Variants in AP3M2 observed in about 807,000 individuals in gnomAD.
The protein encoded by AP3M2 is adaptor related protein complex 3 subunit mu 2.
AP3M2 carries 28 observed loss-of-function variants against 41.6 expected under a neutral mutation model. The ratio of observed to expected loss-of-function variants is 0.67; its 90% CI spans 0.50 to 0.92. AP3M2 has a LOEUF of 0.92. AP3M2 is among the 40% of genes least tolerant of loss of function. The pLI is 0.00. For missense variants in AP3M2, 427 were observed against 521.4 expected (o/e 0.82, Z 1.76); for synonymous variants, 193 against 186.4 (o/e 1.04, Z -0.29).
chr8:42,162,173 TCTTC>T, intron 3 of AP3M2, 104 bp from the exon 4 acceptor site: 4 of 1,114,454 alleles, frequency 3.6e-6, no homozygotes, highest in Non-Finnish European at 4.9e-6. Context: ...TTTGAAAAAT[TCTTC>T]AATTGAGTGC....
intron 1 of AP3M2, 93 bp from the exon 2 acceptor site, chr8:42,154,523 G>T: frequency 1.0e-6 from 1 of 975,886 alleles, no homozygotes; most frequent in South Asian, 1.7e-5. Flanking sequence ...ATTGGGCCTG[G>T]TCTTGAAAGA....
rs571582369 is a variant in AP3M2 at position 42,164,970 on chromosome 8, G to A, written c.584-101G>A. 1.7e-4 allele frequency: 163 copies of A among 974,700 alleles called. No individual in the cohort carries two copies. In the South Asian group the frequency reaches 2.5e-3, roughly 15 times the overall value. The allele number at this position is 974,700 out of a possible 1,614,324, so 60.4% of individuals were successfully genotyped here. ...AGGAAGGGGAGGGAGAGAGAGGAAG[G>A]TGAGGGAGAGAGGAAGAGAAGGAGG... On this transcript the variant is annotated intron_variant, in intron 4 of 8. Transcript: ENST00000396926.
rs1804729030 is a variant in AP3M2 at position 42,169,256 on chromosome 8, AAC to A, written c.*199_*200del. The stretch of plus-strand genomic sequence containing the variant: ...ACCAGGGAGAACTGGACAGAACTGA[AAC>A]ACAGCAACACCAGTTCTCAAGGACA... On this transcript the variant is annotated 3_prime_UTR_variant, in exon 9 of 9. Transcript: ENST00000396926. The A allele has an allele frequency of 2.1e-6, 1 of 470,328 alleles. No homozygotes were observed. Among genetic ancestry groups the A allele is most frequent in the Non-Finnish European group, 3.7e-6 (1 of 268,218 alleles). 29.1% of individuals were successfully genotyped at this position (470,328 alleles called of 1,614,324 possible). A position where few individuals can be genotyped will look rare whatever the true frequency, so the allele number is the denominator to read the frequency against.
In AP3M2 at chr8:42,169,122, T is replaced by TA. The variant is rs997223977; in HGVS notation, c.*70dup. The TA allele has an allele frequency of 3.6e-4, 495 of 1,367,298 alleles. No individual in the cohort carries two copies. The highest frequency in any genetic ancestry group is 5.5e-4 in the East Asian group (23 of 41,666). The allele number at this position is 1,367,298 out of a possible 1,614,324, so 84.7% of individuals were successfully genotyped here. ...TTTTCATTTCTTACTTGTCTAAAAG[T>TA]AAAAAAAAATATCAGCCTGTCTCCT... On this transcript the variant is annotated 3_prime_UTR_variant, in exon 9 of 9. Transcript: ENST00000396926.
At chr8:42,154,470 A>C (rs972522179) in intron 1 of AP3M2, 146 bp from the exon 2 acceptor site, 4 of 577,030 alleles carry the variant, frequency 6.9e-6, no homozygotes, top group Non-Finnish European at 1.2e-5. Context: ...TATCGTTTCG[A>C]ATTCAAGGGA....
At chr8:42,165,221 G>A in intron 5 of AP3M2, 65 bp downstream of exon 5, 3 of 1,542,638 alleles carry the variant, frequency 1.9e-6, no homozygotes, top group Non-Finnish European at 2.7e-6. Flanking sequence ...GAAAGACAGA[G>A]TAGTGGGAAT....
chr8:42,158,879 C>T (rs993735422), intron 3 of AP3M2, among the ~76,000 whole-genome samples: 4 of 151,732 alleles, frequency 2.6e-5, no homozygotes, highest in Admixed American at 2.0e-4. Context: ...CTGCAACCTC[C>T]GCCTCCCAGG....
chr8:42,155,095 T>C lies in AP3M2; in HGVS notation c.273+135T>C, dbSNP rs951878527. On this transcript the variant is annotated intron_variant, in intron 2 of 8. Transcript: ENST00000396926. The stretch of plus-strand genomic sequence containing the variant: ...CTGGTATTACTCACTTCCTCTCCCA[T>C]CTGATAAGATTCTGGTTTCTATTTA... 3 of 722,622 alleles carry C rather than the reference T, an allele frequency of 4.2e-6. No homozygotes were observed. The African/African-American group carries it at 5.3e-5, about 13-fold the overall frequency. The allele number at this position is 722,622 out of a possible 1,614,324, so 44.8% of individuals were successfully genotyped here. A position where few individuals can be genotyped will look rare whatever the true frequency, so the allele number is the denominator to read the frequency against.
In AP3M2 at chr8:42,154,767, C is replaced by T. The variant is rs1225243735; in HGVS notation, c.80C>T (p.Ser27Phe). Residue 27 changes from serine (S) to phenylalanine (F), a missense_variant, in exon 2 of 9, where the codon TCT becomes TTT. Ser to Phe is a radical substitution (Grantham distance 155). This residue lies in a region of AP3M2 where 104 missense variants were observed against 93.8 expected (regional missense o/e 1.11). Coordinates refer to ENST00000396926, the MANE Select transcript of AP3M2 (RefSeq NM_006803.4). ...CATTGGAAAAGTGTGGTCAGCCGTT[C>T]TGTTTGTGATTACTTTTTTGAGGCG... ...EKHWKSVVSR[S>F]VCDYFFEAQE... 6.2e-7 allele frequency: 1 copy of T among 1,614,166 alleles called. No individual in the cohort carries two copies. Among genetic ancestry groups the T allele is most frequent in the Admixed American group, 1.7e-5 (1 of 60,014 alleles).
chr8:42,162,945 A>G (rs1313010997), intron 4 of AP3M2, among the ~76,000 whole-genome samples: 1 of 107,812 alleles, frequency 9.3e-6, no homozygotes, highest in African/African-American at 3.3e-5. Flanking sequence ...CCCTGTCTCA[A>G]AAAAAAAAAA....
chr8:42,161,841 C>CAG (rs1413537454), intron 3 of AP3M2, among the ~76,000 whole-genome samples: 2 of 152,130 alleles, frequency 1.3e-5, no homozygotes, highest in Non-Finnish European at 2.9e-5. Flanking sequence ...GGGAATGAGA[C>CAG]AGATCATATT....
At chr8:42,166,822 C>T (rs1299581619) in intron 6 of AP3M2, 1 of 269,588 alleles carries the variant, frequency 3.7e-6, no homozygotes, top group Non-Finnish European at 7.2e-6. Context: ...TTATACTCCC[C>T]AGTGCAAATG....
At chr8:42,160,273 G>A (rs1269828884) in intron 3 of AP3M2, among the ~76,000 whole-genome samples, 2 of 152,278 alleles carry the variant, frequency 1.3e-5, no homozygotes, top group Non-Finnish European at 2.9e-5. Context: ...ATGAAGTTTG[G>A]GTAGTTTTTA....
At chr8:42,167,981 C>T (rs1427199582) in intron 8 of AP3M2, among the ~76,000 whole-genome samples, 171 bp downstream of exon 8, 1 of 152,176 alleles carries the variant, frequency 6.6e-6, no homozygotes, top group Non-Finnish European at 1.5e-5. Flanking sequence ...GGAAAATTTA[C>T]AATCCTTCCT....
rs755950124 is a variant in AP3M2 at position 42,167,356 on chromosome 8, C to T, written c.996C>T (p.Phe332=). 5 of 1,613,954 alleles carry T rather than the reference C, an allele frequency of 3.1e-6. No homozygotes were observed. Among genetic ancestry groups the T allele is most frequent in the Admixed American group, 1.7e-5 (1 of 60,002 alleles). Residue 332 remains phenylalanine (F), a synonymous_variant, in exon 7 of 9, where the codon TTC becomes TTT. Coordinates refer to ENST00000396926, the MANE Select transcript of AP3M2 (RefSeq NM_006803.4). ...CTCCATCACAGGGGACACACACATT[C>T]GACCCAGTCACAAAGGTAGGGATGA... ...SLTPSQGTHT[F]DPVTKMLSWD...
At chr8:42,165,213 A>C in intron 5 of AP3M2, 57 bp downstream of exon 5, 3 of 1,559,132 alleles carry the variant, frequency 1.9e-6, no homozygotes, top group Non-Finnish European at 2.6e-6. Flanking sequence ...TGCTGCTGGA[A>C]AGACAGAGTA....
rs1804766607 is a variant in AP3M2, at chr8:42,170,399, G to C, written c.*1338G>C. The C allele has an allele frequency of 6.6e-6, 1 of 152,166 alleles. No homozygotes were observed. The allele number at this position is 152,166 out of a possible 1,614,324, so 9.4% of individuals were successfully genotyped here. A position where few individuals can be genotyped will look rare whatever the true frequency, so the allele number is the denominator to read the frequency against. ...TAAGCAACCCAGTTTAAGAAACATG[G>C]CAACTAAAGGGATACCTCAGGCTTT... is the stretch of plus-strand genomic sequence containing the variant. On this transcript the variant is annotated 3_prime_UTR_variant, in exon 9 of 9. Coordinates refer to ENST00000396926, the MANE Select transcript of AP3M2 (RefSeq NM_006803.4).
At chr8:42,156,794 G>A (rs1022721630) in intron 2 of AP3M2, among the ~76,000 whole-genome samples, 1 of 152,092 alleles carries the variant, frequency 6.6e-6, no homozygotes, top group South Asian at 2.1e-4. Context: ...GAAAGATGGT[G>A]AAACAACCTG....
intron 1 of AP3M2, chr8:42,153,821 A>G (rs4737038): frequency 0.46 from 69,909 of 151,872 alleles, 16,488 homozygotes; most frequent in African/African-American, 0.56. Flanking sequence ...TACTGCATTA[A>G]CAAGTGCCTA....
Sources: gnomAD v4.1 joint callset for allele counts (sites outside exome capture counted in the v4.1 genomes callset) on GRCh38, gnomAD v4.1.1 for gene constraint, gnomAD v4.1.1 regional missense constraint, MANE v1.5 for transcripts, NCBI Gene and HGNC (gene_info 2026-07-23, HGNC 2026-07-21) for gene names.